The following TMEM132D variants were observed in gnomAD, a reference collection of about 807,000 sequenced individuals.
TMEM132D encodes transmembrane protein 132D, also known as mature OL transmembrane protein.
In TMEM132D, 21 loss-of-function variants were observed where a neutral mutation model predicts 62.3. That is an observed-to-expected ratio of 0.34 (90% CI 0.24 to 0.49). The LOEUF is 0.49. Ranked by LOEUF, TMEM132D falls within the 20% of genes least tolerant of loss-of-function variation. The pLI, the probability that TMEM132D is intolerant of heterozygous loss-of-function variation, is 0.99. For synonymous variants in TMEM132D, 621 were observed against 575.6 expected (o/e 1.08, Z -1.13); for missense variants, 1,346 against 1,402.8 (o/e 0.96, Z 0.65).
At chr12:129,885,826 C>T (rs770118536) in intron 1 of TMEM132D, among the ~76,000 whole-genome samples, 1 of 152,176 alleles carries the variant, frequency 6.6e-6, no homozygotes, top group African/African-American at 2.4e-5. Flanking sequence ...TTGACACCCA[C>T]GACCATCCAC....
At chr12:129,156,327 A>G (rs770452600) in intron 5 of TMEM132D, among the ~76,000 whole-genome samples, 2 of 151,496 alleles carry the variant, frequency 1.3e-5, no homozygotes, top group Non-Finnish European at 2.9e-5. Flanking sequence ...TAAAATGAAC[A>G]TACTCCCATG....
intron 3 of TMEM132D, among the ~76,000 whole-genome samples, chr12:129,427,929 A>C (rs1194225255): frequency 1.3e-5 from 2 of 152,146 alleles, no homozygotes; most frequent in Non-Finnish European, 1.5e-5. Flanking sequence ...ATCTTATCTT[A>C]TCTCTCCTGC....
intron 3 of TMEM132D, among the ~76,000 whole-genome samples, chr12:129,381,752 G>A (rs941805117): frequency 6.6e-6 from 1 of 151,832 alleles, no homozygotes; most frequent in African/African-American, 2.4e-5. Flanking sequence ...AGGCACATGT[G>A]GTACAGGTAT....
At chr12:129,842,306 C>A (rs1391091649) in intron 1 of TMEM132D, among the ~76,000 whole-genome samples, 3 of 151,932 alleles carry the variant, frequency 2.0e-5, no homozygotes, top group Admixed American at 6.6e-5. Context: ...CTCATTTTCC[C>A]AAAGTGATGG....
intron 2 of TMEM132D, among the ~76,000 whole-genome samples, chr12:129,682,615 G>T (rs1880806513): frequency 6.6e-6 from 1 of 152,072 alleles, no homozygotes; most frequent in African/African-American, 2.4e-5. Context: ...TGCAGATTTT[G>T]TTGGGAGGCT....
chr12:129,802,787 GA>G (rs1412302633), intron 1 of TMEM132D, among the ~76,000 whole-genome samples: 2 of 151,326 alleles, frequency 1.3e-5, no homozygotes, highest in African/African-American at 4.9e-5. Flanking sequence ...CTGTATTCAG[GA>G]AACCCATCTC....
At chr12:129,115,817 G>A (rs989553507) in intron 5 of TMEM132D, among the ~76,000 whole-genome samples, 1 of 152,196 alleles carries the variant, frequency 6.6e-6, no homozygotes, top group Non-Finnish European at 1.5e-5. Flanking sequence ...TTTCTGGCTG[G>A]ACTGGCTGCA....
At chr12:129,598,400 C>T (rs894377481) in intron 2 of TMEM132D, among the ~76,000 whole-genome samples, 2 of 152,184 alleles carry the variant, frequency 1.3e-5, no homozygotes, top group Non-Finnish European at 2.9e-5. Context: ...AAAAGATTTT[C>T]TATGGAATGT....
At chr12:129,311,628 A>T (rs1169081744) in intron 4 of TMEM132D, among the ~76,000 whole-genome samples, 1 of 152,266 alleles carries the variant, frequency 6.6e-6, no homozygotes, top group Admixed American at 6.5e-5. Context: ...CATGAAAAGC[A>T]TATAAGCCAC....
intron 5 of TMEM132D, among the ~76,000 whole-genome samples, chr12:129,194,237 C>A (rs530220866): frequency 6.6e-6 from 1 of 152,324 alleles, no homozygotes; most frequent in Non-Finnish European, 1.5e-5. Flanking sequence ...TAACCTCACC[C>A]CTGTTTTCTT....
chr12:129,407,884 C>T (rs1231948766), intron 3 of TMEM132D, among the ~76,000 whole-genome samples: 4 of 137,936 alleles, frequency 2.9e-5, no homozygotes, highest in Admixed American at 7.3e-5. Flanking sequence ...AGCGAGACTC[C>T]GACTCAAAAA....
At chr12:129,493,972 T>C (rs902891) in intron 3 of TMEM132D, among the ~76,000 whole-genome samples, 39,592 of 152,042 alleles carry the variant, frequency 0.26, 5,117 homozygotes, top group Middle Eastern at 0.32. Flanking sequence ...GTGCCTTAGG[T>C]ATAATGTCAA....
At chr12:129,238,807 T>C (rs1357396116) in intron 4 of TMEM132D, among the ~76,000 whole-genome samples, 1 of 152,236 alleles carries the variant, frequency 6.6e-6, no homozygotes, top group Non-Finnish European at 1.5e-5. Flanking sequence ...GAATATCCCT[T>C]TGTGACCTTG....
chr12:129,700,449 A>G lies in TMEM132D; in HGVS notation c.329T>C (p.Leu110Ser), dbSNP rs2137227291. 6.2e-7 allele frequency: 1 copy of G among 1,614,130 alleles called. No individual in the cohort carries two copies. The highest frequency in any genetic ancestry group is 8.5e-7 in the Non-Finnish European group (1 of 1,180,040). ...FSIEQVVPQD[L>S]MLPSNPFGFT... ...TCCAAATGGGTTGGAAGGTAGCATTAAATCCTGGGGCACCACTTGCTCGAT... is the reference window on the plus strand; with the variant it reads ...TCCAAATGGGTTGGAAGGTAGCATTGAATCCTGGGGCACCACTTGCTCGAT... Residue 110 changes from leucine to serine, a missense_variant, in exon 2 of 9, where the codon TTA becomes TCA. Leu to Ser is a moderately radical substitution (Grantham distance 145). Transcript: ENST00000422113.
intron 2 of TMEM132D, among the ~76,000 whole-genome samples, chr12:129,694,272 C>A (rs957836382): frequency 1.3e-5 from 2 of 152,158 alleles, no homozygotes; most frequent in African/African-American, 4.8e-5. Context: ...TTTCCTCCCC[C>A]AAACCCATGA....
chr12:129,581,660 C>T (rs1370361846), intron 2 of TMEM132D, among the ~76,000 whole-genome samples: 1 of 152,174 alleles, frequency 6.6e-6, no homozygotes, highest in East Asian at 1.9e-4. Context: ...CACCTTCTTC[C>T]ATCTGCTTTA....
chr12:129,654,378 G>A (rs532317650), intron 2 of TMEM132D, among the ~76,000 whole-genome samples: 55 of 140,228 alleles, frequency 3.9e-4, no homozygotes, highest in African/African-American at 1.3e-3. Flanking sequence ...CTTTGGTACA[G>A]GTGTTTTTCC....
At chr12:129,343,050 A>G (rs1251723463) in intron 3 of TMEM132D, among the ~76,000 whole-genome samples, 3 of 152,232 alleles carry the variant, frequency 2.0e-5, no homozygotes, top group African/African-American at 7.2e-5. Context: ...TAGAAACACC[A>G]TTTGACCCAG....
intron 5 of TMEM132D, among the ~76,000 whole-genome samples, chr12:129,095,222 T>C (rs1875063356): frequency 6.6e-6 from 1 of 151,740 alleles, no homozygotes. Flanking sequence ...TAGATAAAAA[T>C]GTCTTCACGT....
Sources: allele counts gnomAD v4.1 joint callset (sites outside exome capture counted in the v4.1 genomes callset), GRCh38; gene constraint gnomAD v4.1.1; transcripts MANE v1.5; gene names NCBI Gene and HGNC (gene_info 2026-07-23, HGNC 2026-07-21).